The following PLEKHH2 variants were observed in gnomAD, a reference collection of about 807,000 sequenced individuals.
PLEKHH2 encodes pleckstrin homology domain-containing family H member 2.
In PLEKHH2, 129 loss-of-function variants were observed where a neutral mutation model predicts 187.9. The observed-to-expected ratio is 0.69, with a 90% CI of 0.59 to 0.79. The LOEUF (loss-of-function observed/expected upper bound fraction) is 0.79, where lower values mean the gene tolerates loss of function less well. Among genes scored for constraint, PLEKHH2 ranks in the 30% least tolerant of loss-of-function variants. The pLI is 0.00. For missense variants in PLEKHH2, 2,076 were observed against 1,751.2 expected (o/e 1.19, Z -3.31); for synonymous variants, 686 against 605.6 (o/e 1.13, Z -1.95).
At chr2:43,645,045 G>A (rs1666121222) in intron 2 of PLEKHH2, among the ~76,000 whole-genome samples, 1 of 152,104 alleles carries the variant, frequency 6.6e-6, no homozygotes, top group Non-Finnish European at 1.5e-5. Flanking sequence ...ATTCATTCCA[G>A]AGAGAAAGCT....
chr2:43,728,793 C>G (rs1015280248), intron 17 of PLEKHH2, among the ~76,000 whole-genome samples: 20 of 152,108 alleles, frequency 1.3e-4, no homozygotes, highest in African/African-American at 4.6e-4. Flanking sequence ...AACCCCTGAC[C>G]TCAGATGATC....
intron 9 of PLEKHH2, among the ~76,000 whole-genome samples, chr2:43,705,690 C>T (rs1054664544): frequency 2.0e-5 from 3 of 152,090 alleles, no homozygotes; most frequent in Non-Finnish European, 2.9e-5. Context: ...GGCATGATCT[C>T]GGCTCACTGC....
chr2:43,647,484 C>A (rs1213728002), intron 2 of PLEKHH2, among the ~76,000 whole-genome samples: 1 of 152,152 alleles, frequency 6.6e-6, no homozygotes, highest in Non-Finnish European at 1.5e-5. Flanking sequence ...ATATATCTAT[C>A]CACTCATCCA....
At chr2:43,707,283 G>T in intron 10 of PLEKHH2, 118 bp from the exon 11 acceptor site, 1 of 1,088,118 alleles carries the variant, frequency 9.2e-7, no homozygotes, top group Non-Finnish European at 1.4e-6. Context: ...CTTAGGGATG[G>T]ATACAGGGAG....
At chr2:43,752,170 T>G (rs538773151) in intron 24 of PLEKHH2, among the ~76,000 whole-genome samples, 1 of 152,338 alleles carries the variant, frequency 6.6e-6, no homozygotes, top group Admixed American at 6.5e-5. Context: ...TGCATACAAA[T>G]GTAAGCATGC....
chr2:43,690,149 C>T (rs918148810), intron 3 of PLEKHH2, among the ~76,000 whole-genome samples: 5 of 152,220 alleles, frequency 3.3e-5, no homozygotes, highest in African/African-American at 1.2e-4. Context: ...CTGGCTATAG[C>T]TATACCATCT....
At chr2:43,671,184 A>G (rs1038024307) in intron 2 of PLEKHH2, among the ~76,000 whole-genome samples, 5 of 151,750 alleles carry the variant, frequency 3.3e-5, no homozygotes, top group Non-Finnish European at 5.9e-5. Context: ...ACCGGGTTTT[A>G]CCATGTTGGC....
At position 43,766,025 on chromosome 2, in the gene PLEKHH2, C is replaced by T. The variant is rs1477527123; in HGVS notation, c.*427C>T. The T allele has an allele frequency of 6.3e-6, 1 of 158,968 alleles. No individual in the cohort carries two copies. The highest frequency in any genetic ancestry group is 1.4e-5 in the Non-Finnish European group (1 of 72,550). The allele number at this position is 158,968 out of a possible 1,614,324, so 9.8% of individuals were successfully genotyped here. On this transcript the variant is annotated 3_prime_UTR_variant, in exon 30 of 30. Coordinates refer to ENST00000282406, the MANE Select transcript of PLEKHH2 (RefSeq NM_172069.4). The stretch of plus-strand genomic sequence containing the variant: ...ACTGCCAAAATAGTAAGTGCTATAA[C>T]TAAATGCGCTTTTAATTAATGATAT...
chr2:43,717,457 T>G (rs1324909517), intron 15 of PLEKHH2, among the ~76,000 whole-genome samples: 2 of 151,542 alleles, frequency 1.3e-5, no homozygotes, highest in Non-Finnish European at 1.5e-5. Context: ...AACCCAAGAA[T>G]AGGAGTGTGG....
At chr2:43,688,872 C>T (rs1167434744) in intron 3 of PLEKHH2, among the ~76,000 whole-genome samples, 3 of 152,160 alleles carry the variant, frequency 2.0e-5, no homozygotes, top group Non-Finnish European at 4.4e-5. Flanking sequence ...AATAAGCTTA[C>T]TCAAGCCTTG....
In PLEKHH2 at chr2:43,700,224, A is replaced by G. The variant is rs748764771; in HGVS notation, c.1266A>G (p.Ser422=). The change falls in exon 8 of 30, where the codon TCA becomes TCG. Residue 422 remains serine (S), a synonymous_variant. Coordinates refer to ENST00000282406, the MANE Select transcript of PLEKHH2 (RefSeq NM_172069.4). ...CTTTAATGCCAAAGCATCCTAACTC[A>G]CTCTCTGGAAAAGGAACACAATTAG... ...TPALMPKHPN[S]LSGKGTQLVP... is the part of the protein sequence containing the mutation. The G allele has an allele frequency of 3.7e-6, 6 of 1,613,780 alleles. No homozygotes were observed. The highest frequency in any genetic ancestry group is 1.3e-5 in the African/African-American group (1 of 74,804).
intron 9 of PLEKHH2, among the ~76,000 whole-genome samples, chr2:43,705,588 G>T (rs1297297723): frequency 1.3e-5 from 2 of 152,036 alleles, no homozygotes; most frequent in African/African-American, 4.8e-5. Context: ...TTCAACATCA[G>T]ATTTACCTGA....
At chr2:43,676,537 C>A (rs1448449550) in intron 2 of PLEKHH2, among the ~76,000 whole-genome samples, 1 of 151,846 alleles carries the variant, frequency 6.6e-6, no homozygotes, top group Non-Finnish European at 1.5e-5. Context: ...AGAGGTATAC[C>A]AGGAGTTCTG....
intron 19 of PLEKHH2, among the ~76,000 whole-genome samples, chr2:43,732,433 T>C (rs1302475467): frequency 6.6e-6 from 1 of 152,104 alleles, no homozygotes; most frequent in African/African-American, 2.4e-5. Flanking sequence ...TGCAAATGAC[T>C]CTTATCACTT....
At chr2:43,715,880 A>C (rs1670187038) in intron 15 of PLEKHH2, among the ~76,000 whole-genome samples, 2 of 152,160 alleles carry the variant, frequency 1.3e-5, no homozygotes, top group African/African-American at 4.8e-5. Context: ...AATCATCAGC[A>C]TACATGTGGC....
intron 4 of PLEKHH2, among the ~76,000 whole-genome samples, chr2:43,693,905 C>G (rs923569606): frequency 1.3e-5 from 2 of 152,020 alleles, no homozygotes; most frequent in Admixed American, 1.3e-4. Context: ...TGGTTTTCAG[C>G]TTTCTACCAC....
chr2:43,733,235 C>T (rs1213277649), intron 19 of PLEKHH2, among the ~76,000 whole-genome samples: 4 of 151,904 alleles, frequency 2.6e-5, no homozygotes, highest in Admixed American at 6.6e-5. Context: ...TGATGGCATG[C>T]GCCTATAGTC....
chr2:43,726,505 A>C, intron 17 of PLEKHH2, 54 bp downstream of exon 17: 5 of 1,445,556 alleles, frequency 3.5e-6, no homozygotes, highest in Non-Finnish European at 4.8e-6. Flanking sequence ...TATTATTCAG[A>C]TATTGGTAAT....
Position 43,726,381 on chromosome 2 carries a change from A to G in PLEKHH2, c.2651A>G (p.His884Arg), listed in dbSNP as rs1052969464. The stretch of plus-strand genomic sequence containing the variant: ...AGTGGACGAAGTCTGTTATCCACAC[A>G]TTATACTATCGTTATCCATCCCAAA... ...EASGRSLLST[H>R]YTIVIHPKDQ... The change falls in exon 17 of 30, where the codon CAT becomes CGT. Residue 884 changes from histidine to arginine, a missense_variant. Transcript: ENST00000282406. 13 of 1,611,096 alleles carry G rather than the reference A, an allele frequency of 8.1e-6. No homozygotes were observed. The highest frequency in any genetic ancestry group is 1.6e-4 in the Middle Eastern group (1 of 6,074).
Sources: gnomAD v4.1 joint callset for allele counts (sites outside exome capture counted in the v4.1 genomes callset) on GRCh38, gnomAD v4.1.1 for gene constraint, MANE v1.5 for transcripts, NCBI Gene and HGNC (gene_info 2026-07-23, HGNC 2026-07-21) for gene names.